Variants in CPA6 observed in about 807,000 individuals in gnomAD.
CPA6 encodes carboxypeptidase B.
In CPA6, 58 loss-of-function variants were observed where a neutral mutation model predicts 63.3. The observed-to-expected ratio is 0.92, with a 90% CI of 0.74 to 1.14. The LOEUF (loss-of-function observed/expected upper bound fraction) is 1.14, where lower values mean the gene tolerates loss of function less well. CPA6 is among the 50% of genes most tolerant of loss of function. CPA6 has a pLI of 0.00. For synonymous variants in CPA6, 185 were observed against 179.0 expected, an observed-to-expected ratio of 1.03 and a Z score of -0.27; for missense variants, 565 against 526.6, an observed-to-expected ratio of 1.07 and a Z score of -0.71.
At chr8:67,585,562 T>A (rs868365449) in intron 2 of CPA6, among the ~76,000 whole-genome samples, 3 of 152,108 alleles carry the variant, frequency 2.0e-5, no homozygotes, top group Admixed American at 1.3e-4. Flanking sequence ...TATTGTTAGA[T>A]CCACAATCTA....
intron 2 of CPA6, among the ~76,000 whole-genome samples, chr8:67,570,257 G>GAAGTGAGGA (rs1813454323): frequency 1.3e-5 from 2 of 152,088 alleles, no homozygotes. Flanking sequence ...AACTTCCCCA[G>GAAGTGAGGA]ACAAATAAAA....
intron 5 of CPA6, among the ~76,000 whole-genome samples, chr8:67,508,580 G>A (rs931170731): frequency 6.6e-6 from 1 of 152,134 alleles, no homozygotes; most frequent in Admixed American, 6.6e-5. Context: ...AAGGATAAGG[G>A]GAAAGGAGGC....
chr8:67,543,699 C>T (rs1812752939), intron 2 of CPA6, among the ~76,000 whole-genome samples: 1 of 152,068 alleles, frequency 6.6e-6, no homozygotes, highest in South Asian at 2.1e-4. Flanking sequence ...TGTATATGTT[C>T]ACATTGTTGT....
intron 1 of CPA6, among the ~76,000 whole-genome samples, chr8:67,715,493 C>T (rs1817359207): frequency 6.6e-6 from 1 of 152,226 alleles, no homozygotes; most frequent in African/African-American, 2.4e-5. Context: ...ATTCCAGCCA[C>T]ATGCCCACAC....
intron 2 of CPA6, among the ~76,000 whole-genome samples, chr8:67,602,796 CAT>C (rs1305319046): frequency 6.6e-6 from 1 of 152,190 alleles, no homozygotes; most frequent in Non-Finnish European, 1.5e-5. Flanking sequence ...AGCAGTGACT[CAT>C]GTTCCCCAGC....
chr8:67,541,671 C>T (rs1812709334), intron 2 of CPA6, among the ~76,000 whole-genome samples: 1 of 152,180 alleles, frequency 6.6e-6, no homozygotes, highest in South Asian at 2.1e-4. Context: ...CCTTCTTTAA[C>T]TCGGTGTCTG....
At chr8:67,474,218 ATTTTTAT>A (rs1181568389) in intron 8 of CPA6, among the ~76,000 whole-genome samples, 1 of 151,968 alleles carries the variant, frequency 6.6e-6, no homozygotes, top group Non-Finnish European at 1.5e-5. Context: ...GCTTTTATTT[ATTTTTAT>A]TTTTTATTTT....
At chr8:67,470,811 T>G (rs913157994) in intron 8 of CPA6, among the ~76,000 whole-genome samples, 1 of 152,222 alleles carries the variant, frequency 6.6e-6, no homozygotes, top group Non-Finnish European at 1.5e-5. Flanking sequence ...ATGCCATGGT[T>G]CTCTAAAGAT....
chr8:67,537,216 A>C (rs1812604127), intron 2 of CPA6, among the ~76,000 whole-genome samples: 1 of 152,212 alleles, frequency 6.6e-6, no homozygotes, highest in African/African-American at 2.4e-5. Flanking sequence ...TCATAAAATG[A>C]GTTAGAGAGG....
rs1025871672 is a variant in CPA6, at chr8:67,439,083, C to A, written c.839-4843G>T. On this transcript the variant is annotated intron_variant, in intron 8 of 10. Transcript: ENST00000297770. Reference sequence around the variant, plus strand: ...GCTGAGCATGGAGGATTGCTTGAGGCCAGGAGTTTGAGACCAGCCTGGCCA... The same window carrying A: ...GCTGAGCATGGAGGATTGCTTGAGGACAGGAGTTTGAGACCAGCCTGGCCA... Among the ~76,000 whole-genome samples, 66 of 151,666 alleles carry A rather than the reference C, an allele frequency of 4.4e-4. 1 individual carries two copies. The highest frequency in any genetic ancestry group is 1.6e-3 in the Admixed American group (25 of 15,220).
At chr8:67,522,899 C>A (rs1408908574) in intron 2 of CPA6, among the ~76,000 whole-genome samples, 1 of 152,214 alleles carries the variant, frequency 6.6e-6, no homozygotes, top group Non-Finnish European at 1.5e-5. Context: ...GGCCTGGCGG[C>A]CTGAGTGAGA....
chr8:67,695,965 C>T (rs1489828853), intron 1 of CPA6, among the ~76,000 whole-genome samples: 1 of 152,110 alleles, frequency 6.6e-6, no homozygotes, highest in Admixed American at 6.5e-5. Flanking sequence ...AGGGCTCCCA[C>T]CAGAAGATAA....
intron 8 of CPA6, among the ~76,000 whole-genome samples, chr8:67,458,231 C>G (rs1810721472): frequency 6.6e-6 from 1 of 152,174 alleles, no homozygotes; most frequent in African/African-American, 2.4e-5. Context: ...GAGGCTCACT[C>G]TGTTGCCCAG....
chr8:67,605,074 A>G (rs1378841570), intron 2 of CPA6, among the ~76,000 whole-genome samples: 1 of 139,416 alleles, frequency 7.2e-6, no homozygotes, highest in Non-Finnish European at 1.5e-5. Context: ...CACTGTGCCC[A>G]GCCACGTTTT....
chr8:67,483,942 AG>A, intron 7 of CPA6, 84 bp from the exon 8 acceptor site: 1 of 1,108,328 alleles, frequency 9.0e-7, no homozygotes, highest in Non-Finnish European at 1.4e-6. Context: ...TCAATGAAAG[AG>A]TCATACCACT....
At chr8:67,713,012 TATTA>T (rs1344317590) in intron 1 of CPA6, among the ~76,000 whole-genome samples, 4 of 149,684 alleles carry the variant, frequency 2.7e-5, no homozygotes, top group Non-Finnish European at 4.4e-5. Context: ...TTCTATTTAT[TATTA>T]GTTATTAATC....
chr8:67,511,699 T>C (rs1286949972), intron 3 of CPA6, 44 bp from the exon 4 acceptor site: 2 of 1,181,954 alleles, frequency 1.7e-6, no homozygotes, highest in Non-Finnish European at 2.5e-6. Flanking sequence ...AATTGAGATA[T>C]TGCAAAAATC....
At chr8:67,504,675 G>C (rs149644359) in intron 6 of CPA6, among the ~76,000 whole-genome samples, 19 of 152,204 alleles carry the variant, frequency 1.2e-4, no homozygotes, top group Admixed American at 1.0e-3. Context: ...TCATGCCCAG[G>C]GCTCCAGCTG....
At chr8:67,665,165 C>G (rs1022498966) in intron 1 of CPA6, among the ~76,000 whole-genome samples, 1 of 152,188 alleles carries the variant, frequency 6.6e-6, no homozygotes, top group Non-Finnish European at 1.5e-5. Flanking sequence ...TCTATTTCTT[C>G]ACGGGAAAAA....
Sources: gnomAD v4.1 joint callset for allele counts (sites outside exome capture counted in the v4.1 genomes callset) on GRCh38, gnomAD v4.1.1 for gene constraint, MANE v1.5 for transcripts, NCBI Gene and HGNC (gene_info 2026-07-23, HGNC 2026-07-21) for gene names.